The following MS4A4E variants were observed in gnomAD, a reference collection of about 807,000 sequenced individuals.
MS4A4E encodes the protein membrane spanning 4-domains A4E, also known as putative membrane-spanning 4-domains subfamily A member 4E.
Under a neutral mutation model 13.3 loss-of-function variants are expected in MS4A4E, and 23 were observed. The observed-to-expected ratio is 1.73, with a 90% CI of 1.25 to 2.45. The LOEUF is 2.45. Among genes scored for constraint, MS4A4E ranks in the 30% most tolerant of loss-of-function variants. The pLI is 0.00. For missense variants in MS4A4E, 144 were observed against 131.2 expected (o/e 1.10, Z -0.48); for synonymous variants, 36 against 45.6 (o/e 0.79, Z 0.85).
intron 5 of MS4A4E, among the ~76,000 whole-genome samples, chr11:60,211,362 G>T (rs577269933): frequency 6.6e-6 from 1 of 152,242 alleles, no homozygotes; most frequent in African/African-American, 2.4e-5. Flanking sequence ...AATTAGTTTC[G>T]CAAAGACACC....
At chr11:60,204,208 G>C (rs1239698933) in intron 8 of MS4A4E, among the ~76,000 whole-genome samples, 4 of 152,116 alleles carry the variant, frequency 2.6e-5, no homozygotes, top group Non-Finnish European at 4.4e-5. Flanking sequence ...TATGAGTTCT[G>C]GCTTTTATTA....
chr11:60,237,677 T>C (rs139201329), intron 1 of MS4A4E, among the ~76,000 whole-genome samples: 2,907 of 152,340 alleles, frequency 0.019, 98 homozygotes, highest in African/African-American at 0.066. Flanking sequence ...TCATTATGGT[T>C]TTCACTTGTA....
chr11:60,214,676 G>A, intron 3 of MS4A4E, 62 bp from the exon 4 acceptor site: 4 of 1,091,958 alleles, frequency 3.7e-6, no homozygotes, highest in Non-Finnish European at 5.2e-6. Context: ...AACAAGTATT[G>A]GAAATCACAA....
intron 6 of MS4A4E, among the ~76,000 whole-genome samples, chr11:60,207,137 A>C (rs946793026): frequency 2.0e-5 from 3 of 152,188 alleles, no homozygotes; most frequent in African/African-American, 7.2e-5. Context: ...CAAAAACCAC[A>C]CTGGCCTGGA....
intron 1 of MS4A4E, among the ~76,000 whole-genome samples, chr11:60,234,995 G>A (rs949712302): frequency 6.6e-6 from 1 of 152,112 alleles, no homozygotes; most frequent in Non-Finnish European, 1.5e-5. Context: ...CAAAGGAGAA[G>A]GACTGCCTGT....
At chr11:60,202,180 C>T (rs771272466) in intron 8 of MS4A4E, among the ~76,000 whole-genome samples, 7 of 152,144 alleles carry the variant, frequency 4.6e-5, no homozygotes, top group East Asian at 1.9e-4. Flanking sequence ...ATTGCCTCTA[C>T]GTCTTATTAA....
intron 5 of MS4A4E, among the ~76,000 whole-genome samples, chr11:60,210,418 C>G (rs2084105509): frequency 1.3e-5 from 2 of 152,088 alleles, no homozygotes; most frequent in Non-Finnish European, 2.9e-5. Flanking sequence ...AATGCAGGAC[C>G]AGCTATGTAA....
At chr11:60,206,798 C>T in intron 6 of MS4A4E, 1 of 230,756 alleles carries the variant, frequency 4.3e-6, no homozygotes, top group Non-Finnish European at 9.9e-6. Flanking sequence ...GTGCCCCTTT[C>T]CTGCCCACAT....
At chr11:60,211,611 C>A (rs112287648) in intron 5 of MS4A4E, among the ~76,000 whole-genome samples, 69 of 152,170 alleles carry the variant, frequency 4.5e-4, no homozygotes, top group African/African-American at 1.6e-3. Flanking sequence ...GACCAGTAGG[C>A]TTTTTAATAA....
Position 60,229,636 on chromosome 11 carries a change from G to A in MS4A4E, c.144+276C>T, listed in dbSNP as rs905896144. 9.2e-5 allele frequency among the ~76,000 whole-genome samples: 14 copies of A among 152,198 alleles called. 1 individual carries two copies. Among genetic ancestry groups the A allele is most frequent in the Non-Finnish European group, 1.9e-4 (13 of 68,012 alleles). Reference sequence around the variant, plus strand: ...GGACAGGTGGGCCTTTTCTTTTGCCGTTCTTCTATATTGAAGTTAAATATA... The same window carrying A: ...GGACAGGTGGGCCTTTTCTTTTGCCATTCTTCTATATTGAAGTTAAATATA... On this transcript the variant is annotated intron_variant, in intron 2 of 8. Transcript: ENST00000651255.
At chr11:60,236,861 C>T (rs569074179) in intron 1 of MS4A4E, among the ~76,000 whole-genome samples, 6 of 152,022 alleles carry the variant, frequency 3.9e-5, no homozygotes, top group Admixed American at 2.0e-4. Flanking sequence ...CTCAGCCTCC[C>T]GAATACCTGG....
At chr11:60,217,689 CTA>C (rs2084214028) in intron 3 of MS4A4E, among the ~76,000 whole-genome samples, 1 of 152,192 alleles carries the variant, frequency 6.6e-6, no homozygotes, top group Non-Finnish European at 1.5e-5. Flanking sequence ...ACTGCAATCT[CTA>C]AACATAAATT....
rs528446232 is a variant in MS4A4E, at chr11:60,200,652, T to C, written c.*891A>G. On this transcript the variant is annotated 3_prime_UTR_variant, in exon 9 of 9. Transcript: ENST00000651255. ...GATCCCAAGGCAGAAGAATTTTTCTTAGTACAGAACAAAATGAAAAGTCTC... is the reference window on the plus strand; with the variant it reads ...GATCCCAAGGCAGAAGAATTTTTCTCAGTACAGAACAAAATGAAAAGTCTC... 1.6e-4 allele frequency among the ~76,000 whole-genome samples: 24 copies of C among 152,326 alleles called. No homozygotes were observed. Among genetic ancestry groups the C allele is most frequent in the African/African-American group, 5.3e-4 (22 of 41,584 alleles).
chr11:60,200,514 A>G lies in MS4A4E; in HGVS notation c.*1029T>C, dbSNP rs557485058. ...ACTCTTAACGAGCATGCTGCCTTCA[A>G]GCATCTGTTTAACAAAGCACACCTT... On this transcript the variant is annotated 3_prime_UTR_variant, in exon 9 of 9. Coordinates refer to ENST00000651255, the MANE Select transcript of MS4A4E (RefSeq NM_001393391.1). Among the ~76,000 whole-genome samples, 153 of 152,274 alleles carry G rather than the reference A, an allele frequency of 1.0e-3. 1 individual carries two copies. In the South Asian group the frequency reaches 0.011, roughly 11 times the overall value.
intron 3 of MS4A4E, among the ~76,000 whole-genome samples, chr11:60,215,054 A>G (rs547658148): frequency 1.3e-5 from 2 of 152,290 alleles, no homozygotes; most frequent in East Asian, 1.9e-4. Flanking sequence ...TAACTAGAAT[A>G]TACTACTTCA....
intron 1 of MS4A4E, among the ~76,000 whole-genome samples, chr11:60,237,214 T>C (rs1398655272): frequency 6.6e-6 from 1 of 152,226 alleles, no homozygotes; most frequent in Non-Finnish European, 1.5e-5. Context: ...TTTCTGTTCC[T>C]GTGTTAGTTT....
chr11:60,223,332 C>T (rs776849374), intron 3 of MS4A4E, among the ~76,000 whole-genome samples: 8 of 152,192 alleles, frequency 5.3e-5, no homozygotes, highest in Middle Eastern at 3.4e-3. Context: ...GTGTTGTTAA[C>T]TTTAGGTAAT....
intron 1 of MS4A4E, 134 bp from the exon 2 acceptor site, chr11:60,230,205 C>T: frequency 1.0e-6 from 1 of 990,798 alleles, no homozygotes; most frequent in Non-Finnish European, 1.4e-6. Context: ...GTTGTTAGAG[C>T]TAGGGAAGTG....
At chr11:60,209,228 A>C (rs1328491695) in intron 5 of MS4A4E, 2 of 152,198 alleles carry the variant, frequency 1.3e-5, no homozygotes, top group East Asian at 3.9e-4. Flanking sequence ...GGAATGAGAG[A>C]ATTTTCCTGG....
Sources: allele counts gnomAD v4.1 joint callset (sites outside exome capture counted in the v4.1 genomes callset), GRCh38; gene constraint gnomAD v4.1.1; transcripts MANE v1.5; gene names NCBI Gene and HGNC (gene_info 2026-07-23, HGNC 2026-07-21).